ITGAD: variants seen among roughly 807,000 people sequenced by gnomAD.
ITGAD encodes integrin alpha-D.
ITGAD carries 105 observed loss-of-function variants against 139.0 expected under a neutral mutation model. The observed-to-expected ratio is 0.76, with a 90% CI of 0.65 to 0.89. The LOEUF (loss-of-function observed/expected upper bound fraction) is 0.89, where lower values mean the gene tolerates loss of function less well. Among genes scored for constraint, ITGAD ranks in the 40% least tolerant of loss-of-function variants. The probability of loss-of-function intolerance (pLI) is 0.00; values close to 1 mark genes in which losing one functional copy is unlikely to be tolerated. For synonymous variants in ITGAD, 569 were observed against 598.3 expected (o/e 0.95, Z 0.71); for missense variants, 1,384 against 1,487.3 (o/e 0.93, Z 1.14).
intron 23 of ITGAD, among the ~76,000 whole-genome samples, chr16:31,421,943 T>C (rs1231802737): frequency 1.3e-5 from 2 of 152,092 alleles, no homozygotes; most frequent in Non-Finnish European, 2.9e-5. Flanking sequence ...GCTTTTTGTT[T>C]GTTTTGAGAC....
chr16:31,412,999 C>T (rs757115209), intron 15 of ITGAD, 31 bp downstream of exon 15: 12 of 1,602,450 alleles, frequency 7.5e-6, no homozygotes, highest in South Asian at 3.4e-5. Flanking sequence ...TGCCCTCCCG[C>T]GCTGTGTCTG....
At chr16:31,414,703 A>C in intron 17 of ITGAD, 98 bp downstream of exon 17, 1 of 1,569,172 alleles carries the variant, frequency 6.4e-7, no homozygotes, top group South Asian at 1.2e-5. Flanking sequence ...AAGGGTTAGG[A>C]TGTTGGGGCT....
Position 31,418,633 on chromosome 16 carries a change from C to G in ITGAD, c.2780+69C>G. On this transcript the variant is annotated intron_variant, in intron 23 of 29. Coordinates refer to ENST00000389202, the MANE Select transcript of ITGAD (RefSeq NM_005353.3). ...TATGCCTGGTACTCCTTCTGAGTCC[C>G]AGCCTGCTCTTCCAATGATGCACAT... 4 of 1,175,958 alleles carry G rather than the reference C, an allele frequency of 3.4e-6. No individual in the cohort carries two copies. In the South Asian group the frequency reaches 4.9e-5, roughly 14 times the overall value. The allele number at this position is 1,175,958 out of a possible 1,614,324, so 72.8% of individuals were successfully genotyped here.
intron 9 of ITGAD, among the ~76,000 whole-genome samples, chr16:31,408,194 A>G (rs886172462): frequency 3.3e-5 from 5 of 151,560 alleles, no homozygotes; most frequent in African/African-American, 1.2e-4. Flanking sequence ...CTGATCTCGA[A>G]CTCCTGACCT....
intron 2 of ITGAD, among the ~76,000 whole-genome samples, chr16:31,397,012 C>T (rs1458471050): frequency 2.7e-5 from 4 of 146,696 alleles, no homozygotes; most frequent in Non-Finnish European, 1.5e-5. Context: ...AACTCAGAAA[C>T]GCAATGTGCT....
In ITGAD at chr16:31,411,184, G is replaced by A; in HGVS notation, c.1465G>A (p.Gly489Ser). 6.2e-7 allele frequency: 1 copy of A among 1,613,944 alleles called. No homozygotes were observed. Among genetic ancestry groups the A allele is most frequent in the Non-Finnish European group, 8.5e-7 (1 of 1,179,932 alleles). The change falls in exon 13 of 30, where the codon GGC (glycine) becomes AGC (serine). Residue 489 changes from glycine (G) to serine (S), a missense_variant. Transcript: ENST00000389202. ...APHYYEQTRG[G>S]QVSVCPLPRG... is the part of the protein sequence containing the mutation. ...CCATTACTATGAGCAGACCCGAGGGGGCCAGGTGTCCGTGTGTCCCTTGCC... is the reference window on the plus strand; with the variant it reads ...CCATTACTATGAGCAGACCCGAGGGAGCCAGGTGTCCGTGTGTCCCTTGCC...
intron 5 of ITGAD, 139 bp downstream of exon 5, chr16:31,398,048 T>A (rs1597106971): frequency 1.6e-6 from 1 of 628,028 alleles, no homozygotes; most frequent in African/African-American, 1.8e-5. Context: ...GAGAAGAGGG[T>A]GGCTCAGGCA....
At chr16:31,416,352 T>G in intron 19 of ITGAD, 66 bp downstream of exon 19, 3 of 1,508,436 alleles carry the variant, frequency 2.0e-6, no homozygotes, top group Non-Finnish European at 2.7e-6. Context: ...CCTGGGATGC[T>G]TGTGCTGCTC....
In ITGAD at chr16:31,423,330, ACT is replaced by A; in HGVS notation, c.2860-19_2860-18del. On this transcript the variant is annotated intron_variant, in intron 24 of 29. Coordinates refer to ENST00000389202, the MANE Select transcript of ITGAD (RefSeq NM_005353.3). ...GGAAGGCTCCAGAGACCACAATAACACTCTGCCTTGATTTCCTGCAGGTGAAT... is the reference window on the plus strand; with the variant it reads ...GGAAGGCTCCAGAGACCACAATAACACTGCCTTGATTTCCTGCAGGTGAAT... The A allele has an allele frequency of 6.2e-7, 1 of 1,609,040 alleles. No individual in the cohort carries two copies. Among genetic ancestry groups the A allele is most frequent in the Non-Finnish European group, 8.5e-7 (1 of 1,175,662 alleles).
intron 20 of ITGAD, among the ~76,000 whole-genome samples, chr16:31,417,363 C>A (rs560029530): frequency 6.6e-6 from 1 of 151,574 alleles, no homozygotes; most frequent in Non-Finnish European, 1.5e-5. Context: ...GTGTGAACCA[C>A]CACACCTGAC....
intron 23 of ITGAD, among the ~76,000 whole-genome samples, chr16:31,420,827 G>C (rs4889656): frequency 0.66 from 99,985 of 151,910 alleles, 33,218 homozygotes; most frequent in Middle Eastern, 0.74. Context: ...ACCCCCACCC[G>C]AGGGCCTCCC....
Position 31,425,996 on chromosome 16 carries a change from A to C in ITGAD, c.3373-19A>C. On this transcript the variant is annotated intron_variant, in intron 29 of 29. Transcript: ENST00000389202. ...GGGCCCGGACTTACCCAGCTTTTCT[A>C]ATTTATTTCCCCTGATAGCTTGGCT... 6.3e-7 allele frequency: 1 copy of C among 1,579,824 alleles called. No individual in the cohort carries two copies. The highest frequency in any genetic ancestry group is 1.3e-5 in the African/African-American group (1 of 74,300).
intron 7 of ITGAD, 50 bp from the exon 8 acceptor site, chr16:31,407,465 C>A (rs751907179): frequency 6.7e-7 from 1 of 1,494,974 alleles, no homozygotes; most frequent in South Asian, 1.3e-5. Flanking sequence ...TGATGTCTTT[C>A]CAGAATCAAT....
chr16:31,416,896 C>G (rs539451110), intron 20 of ITGAD, among the ~76,000 whole-genome samples: 1 of 152,088 alleles, frequency 6.6e-6, no homozygotes, highest in South Asian at 2.1e-4. Flanking sequence ...GAACCCCCTC[C>G]CTGTTTACCT....
Position 31,412,884 on chromosome 16 carries a change from A to G in ITGAD, c.1754A>G (p.Gln585Arg). Residue 585 changes from glutamine (Q) to arginine (R), a missense_variant, in exon 15 of 30, where the codon CAG becomes CGG. Physicochemically the swap from Gln to Arg is conservative, Grantham distance 43 (BLOSUM62 1). Coordinates refer to ENST00000389202, the MANE Select transcript of ITGAD (RefSeq NM_005353.3). ...TCCCCCAGGCTGCAGTATTTTGGGC[A>G]GGCGCTGAGTGGGGGTCAGGACCTC... is the stretch of plus-strand genomic sequence containing the variant. The part of the protein sequence containing the change: ...QLSPRLQYFG[Q>R]ALSGGQDLTQ... The G allele has an allele frequency of 6.2e-7, 1 of 1,614,070 alleles. No homozygotes were observed.
intron 20 of ITGAD, among the ~76,000 whole-genome samples, chr16:31,417,682 C>T (rs1471272410): frequency 1.3e-5 from 2 of 152,280 alleles, no homozygotes; most frequent in African/African-American, 4.8e-5. Flanking sequence ...CAGTGGCTCA[C>T]ACCTGTAATC....
intron 29 of ITGAD, among the ~76,000 whole-genome samples, chr16:31,425,722 G>A (rs2082101516): frequency 6.9e-6 from 1 of 145,948 alleles, no homozygotes; most frequent in South Asian, 2.1e-4. Context: ...TTGCTGTCTT[G>A]CCCAGGCTGG....
chr16:31,426,134 C>T lies in ITGAD; in HGVS notation c.*6C>T, dbSNP rs1354222604. On this transcript the variant is annotated 3_prime_UTR_variant, in exon 30 of 30. Transcript: ENST00000389202. ...CAAATGTGCCTTTGTCCTAATAATC[C>T]ACTTTCCTGTTTATCTCTACCACTG... The T allele has an allele frequency of 1.3e-6, 2 of 1,575,516 alleles. No homozygotes were observed. The highest frequency in any genetic ancestry group is 3.4e-5 in the Admixed American group (2 of 59,670).
intron 17 of ITGAD, 80 bp downstream of exon 17, chr16:31,414,685 G>C (rs1423661846): frequency 6.3e-7 from 1 of 1,585,972 alleles, no homozygotes; most frequent in Non-Finnish European, 8.6e-7. Flanking sequence ...TCTGCTGAGC[G>C]AGGTGGGAAG....
Sources: gnomAD v4.1 joint callset for allele counts (sites outside exome capture counted in the v4.1 genomes callset) on GRCh38, gnomAD v4.1.1 for gene constraint, MANE v1.5 for transcripts, NCBI Gene and HGNC (gene_info 2026-07-23, HGNC 2026-07-21) for gene names.